Variants in PDE11A observed in about 807,000 individuals in gnomAD.
PDE11A encodes dual 3',5'-cyclic-AMP and -GMP phosphodiesterase 11A.
In PDE11A, 100 loss-of-function variants were observed where a neutral mutation model predicts 100.5. That is an observed-to-expected ratio of 1.00 (90% CI 0.85 to 1.18). PDE11A has a LOEUF of 1.18. Among genes scored for constraint, PDE11A ranks in the 50% most tolerant of loss-of-function variants. PDE11A has a pLI of 0.00. For missense variants in PDE11A, 1,141 were observed against 1,152.6 expected (o/e 0.99, Z 0.15); for synonymous variants, 381 against 420.8 (o/e 0.91, Z 1.16).
intron 16 of PDE11A, among the ~76,000 whole-genome samples, chr2:177,677,262 T>TCACTACCTGTGA (rs1197723233): frequency 6.6e-6 from 1 of 152,134 alleles, no homozygotes; most frequent in Non-Finnish European, 1.5e-5. Flanking sequence ...ACTGACTCAG[T>TCACTACCTGTGA]CTCTATATGT....
intron 5 of PDE11A, among the ~76,000 whole-genome samples, chr2:177,871,294 C>T (rs2084126564): frequency 6.6e-6 from 1 of 151,988 alleles, no homozygotes; most frequent in African/African-American, 2.4e-5. Context: ...GAAAGTGAGC[C>T]TTCTTCCCAT....
chr2:178,019,318 A>C lies in PDE11A; in HGVS notation c.913-4858T>G, dbSNP rs150105315. On this transcript the variant is annotated intron_variant, in intron 1 of 19. Coordinates refer to ENST00000286063, the MANE Select transcript of PDE11A (RefSeq NM_016953.4). ...GTTTAGGGAAGAAGTCTCCTTTGTA[A>C]TTGTATGAAAATATCAAACATTCTA... Among the ~76,000 whole-genome samples, 308 of 152,300 alleles carry C rather than the reference A, an allele frequency of 2.0e-3. 1 individual carries two copies. Among genetic ancestry groups the C allele is most frequent in the Middle Eastern group, 0.01 (3 of 294 alleles).
In PDE11A at chr2:177,624,619, C is replaced by T. The variant is rs566190988; in HGVS notation, c.*4788G>A. 4.6e-5 allele frequency: 7 copies of T among 152,266 alleles called. No homozygotes were observed. In the East Asian group the frequency reaches 1.3e-3, roughly 29 times the overall value. 9.4% of individuals were successfully genotyped at this position (152,266 alleles called of 1,614,324 possible). The stretch of plus-strand genomic sequence containing the variant: ...CTAACCCAATGTATTTGCAAATATA[C>T]AATACCTGGAAATGCATAGACATCT... On this transcript the variant is annotated 3_prime_UTR_variant, in exon 20 of 20. Coordinates refer to ENST00000286063, the MANE Select transcript of PDE11A (RefSeq NM_016953.4).
chr2:177,671,924 G>C (rs1191497115), intron 17 of PDE11A, among the ~76,000 whole-genome samples: 1 of 152,088 alleles, frequency 6.6e-6, no homozygotes, highest in Non-Finnish European at 1.5e-5. Flanking sequence ...GCGTTTCACT[G>C]TGGTTTCTGA....
chr2:177,866,804 G>A (rs2084037175), intron 5 of PDE11A, among the ~76,000 whole-genome samples: 1 of 152,200 alleles, frequency 6.6e-6, no homozygotes, highest in South Asian at 2.1e-4. Flanking sequence ...AAATGCTTGG[G>A]AAATACCAGT....
intron 1 of PDE11A, among the ~76,000 whole-genome samples, chr2:178,044,266 G>GATGTGAT (rs1559052525): frequency 7.2e-6 from 1 of 139,000 alleles, no homozygotes; most frequent in Non-Finnish European, 1.6e-5. Context: ...CCAGTAATAG[G>GATGTGAT]CCATTTCATA....
chr2:178,032,267 C>T (rs4893844), intron 1 of PDE11A, among the ~76,000 whole-genome samples: 76,450 of 151,972 alleles, frequency 0.5, 20,018 homozygotes, highest in East Asian at 0.71. Context: ...TACCCTGTTT[C>T]AAGAATAAGA....
intron 2 of PDE11A, among the ~76,000 whole-genome samples, chr2:177,977,282 C>T (rs1265035914): frequency 7.0e-6 from 1 of 141,894 alleles, no homozygotes; most frequent in Non-Finnish European, 1.6e-5. Flanking sequence ...CACAAGCATT[C>T]TTATACACCA....
intron 5 of PDE11A, among the ~76,000 whole-genome samples, chr2:177,847,566 T>C (rs986453054): frequency 1.3e-5 from 2 of 152,192 alleles, no homozygotes; most frequent in Non-Finnish European, 2.9e-5. Flanking sequence ...TGTATATAAT[T>C]GTAAGACGAC....
At chr2:177,906,183 ACG>A in intron 2 of PDE11A, among the ~76,000 whole-genome samples, 1 of 117,650 alleles carries the variant, frequency 8.5e-6, no homozygotes, top group South Asian at 2.6e-4. Flanking sequence ...ACACACACGC[ACG>A]CACGCACGCA....
At chr2:177,883,950 C>T (rs957530348) in intron 4 of PDE11A, among the ~76,000 whole-genome samples, 2 of 152,178 alleles carry the variant, frequency 1.3e-5, no homozygotes, top group African/African-American at 4.8e-5. Context: ...AATAACTACA[C>T]CCAATGTCTT....
chr2:177,778,155 T>C (rs746178437), intron 9 of PDE11A, among the ~76,000 whole-genome samples: 1 of 152,214 alleles, frequency 6.6e-6, no homozygotes, highest in South Asian at 2.1e-4. Flanking sequence ...ATTAACTATA[T>C]TTCAAAAGAA....
At chr2:177,888,240 T>C (rs2084473045) in intron 4 of PDE11A, among the ~76,000 whole-genome samples, 1 of 152,090 alleles carries the variant, frequency 6.6e-6, no homozygotes, top group South Asian at 2.1e-4. Context: ...CTATCAGATA[T>C]CAAAATGCAT....
chr2:177,857,421 T>C (rs75176734), intron 5 of PDE11A, among the ~76,000 whole-genome samples: 2,851 of 152,152 alleles, frequency 0.019, 54 homozygotes, highest in South Asian at 0.046. Flanking sequence ...TGTATGTTTG[T>C]AACTCTTTTT....
chr2:177,786,550 C>T (rs1422031693), intron 9 of PDE11A, among the ~76,000 whole-genome samples: 3 of 152,142 alleles, frequency 2.0e-5, no homozygotes, highest in Admixed American at 6.6e-5. Flanking sequence ...ATGACTTTGA[C>T]GAGTTGAGAG....
chr2:177,935,411 T>C (rs910109420), intron 2 of PDE11A, among the ~76,000 whole-genome samples: 2 of 152,232 alleles, frequency 1.3e-5, no homozygotes, highest in Non-Finnish European at 2.9e-5. Context: ...AATGTCATTG[T>C]GAGACATCAT....
At chr2:177,992,168 A>C in intron 2 of PDE11A, among the ~76,000 whole-genome samples, 1 of 151,384 alleles carries the variant, frequency 6.6e-6, no homozygotes, top group East Asian at 1.9e-4. Context: ...GATCAATTTC[A>C]TTATCCATAT....
At chr2:177,965,388 T>C (rs1391355329) in intron 2 of PDE11A, among the ~76,000 whole-genome samples, 1 of 152,190 alleles carries the variant, frequency 6.6e-6, no homozygotes, top group South Asian at 2.1e-4. Context: ...ATTTGTCAAT[T>C]TTTCCGTTGC....
intron 13 of PDE11A, among the ~76,000 whole-genome samples, chr2:177,710,155 A>G (rs1338966784): frequency 6.6e-6 from 1 of 152,056 alleles, no homozygotes; most frequent in Non-Finnish European, 1.5e-5. Flanking sequence ...CCAGAGGAGA[A>G]GCAAGGAAGG....
Sources: gnomAD v4.1 joint callset for allele counts (sites outside exome capture counted in the v4.1 genomes callset) on GRCh38, gnomAD v4.1.1 for gene constraint, MANE v1.5 for transcripts, NCBI Gene and HGNC (gene_info 2026-07-23, HGNC 2026-07-21) for gene names.